FRK: variants seen among roughly 807,000 people sequenced by gnomAD.
The protein encoded by FRK is fyn related Src family tyrosine kinase.
A neutral mutation model predicts 56.4 loss-of-function variants in FRK; 51 were observed. That is an observed-to-expected ratio of 0.90 (90% CI 0.72 to 1.14). The LOEUF is 1.14. FRK is among the 50% of genes most tolerant of loss of function. The pLI is 0.00. For missense variants in FRK, 570 were observed against 601.4 expected, an observed-to-expected ratio of 0.95 and a Z score of 0.55; for synonymous variants, 245 against 217.9, an observed-to-expected ratio of 1.12 and a Z score of -1.10.
At chr6:116,018,703 C>A (rs1255630724) in intron 1 of FRK, among the ~76,000 whole-genome samples, 1 of 152,026 alleles carries the variant, frequency 6.6e-6, no homozygotes, top group East Asian at 1.9e-4. Flanking sequence ...GACTGCCTTA[C>A]TAGTAAGCAT....
intron 1 of FRK, among the ~76,000 whole-genome samples, chr6:116,018,505 T>C (rs957862070): frequency 6.6e-5 from 10 of 152,196 alleles, no homozygotes; most frequent in Non-Finnish European, 1.3e-4. Context: ...TATTTGTGTT[T>C]TAAATAATTC....
At position 115,937,990 on chromosome 6, in the gene FRK, A is replaced by G. The variant is rs1313584721; in HGVS notation, c.*4424T>C. The G allele has an allele frequency of 2.0e-5, 3 of 152,242 alleles. No homozygotes were observed. Among genetic ancestry groups the G allele is most frequent in the Non-Finnish European group, 4.4e-5 (3 of 68,036 alleles). 9.4% of individuals were successfully genotyped at this position (152,242 alleles called of 1,614,324 possible). A position where few individuals can be genotyped will look rare whatever the true frequency, so the allele number is the denominator to read the frequency against. On this transcript the variant is annotated 3_prime_UTR_variant, in exon 8 of 8. Coordinates refer to ENST00000606080, the MANE Select transcript of FRK (RefSeq NM_002031.3). ...GACCAAGTGGACCTAACAGACATCT[A>G]CAGAATTCTCTACCCCAAATCAACA...
At position 115,939,048 on chromosome 6, in the gene FRK, A is replaced by G. The variant is rs1358779329; in HGVS notation, c.*3366T>C. ...AAAAAAAAAAAAGAGAGAAAATTTC[A>G]GGCCAGTATCCCTGACGAACATCCA... On this transcript the variant is annotated 3_prime_UTR_variant, in exon 8 of 8. Coordinates refer to ENST00000606080, the MANE Select transcript of FRK (RefSeq NM_002031.3). The G allele has an allele frequency of 6.6e-6, 1 of 152,004 alleles. No homozygotes were observed. Among genetic ancestry groups the G allele is most frequent in the Non-Finnish European group, 1.5e-5 (1 of 68,006 alleles). 9.4% of individuals were successfully genotyped at this position (152,004 alleles called of 1,614,324 possible).
At position 115,987,754 on chromosome 6, in the gene FRK, A is replaced by C. The variant is rs1765855515; in HGVS notation, c.466+16123T>G. Among the ~76,000 whole-genome samples the C allele has an allele frequency of 2.0e-5, 3 of 152,210 alleles. No homozygotes were observed. The South Asian group carries it at 6.2e-4, about 32-fold the overall frequency. On this transcript the variant is annotated intron_variant, in intron 2 of 7. Transcript: ENST00000606080. ...ACTTACTGGCACTTAGTAGGCATTA[A>C]ATAAATATTTGATGAATGAATGGAT... is the stretch of plus-strand genomic sequence containing the variant.
intron 1 of FRK, among the ~76,000 whole-genome samples, chr6:116,004,890 A>G (rs1775194751): frequency 6.6e-6 from 1 of 152,212 alleles, no homozygotes; most frequent in Admixed American, 6.5e-5. Context: ...GGTCATCATC[A>G]TTAAAGATTT....
chr6:115,973,371 A>G, intron 2 of FRK, among the ~76,000 whole-genome samples: 1 of 152,162 alleles, frequency 6.6e-6, no homozygotes, highest in East Asian at 1.9e-4. Context: ...GAACACATGG[A>G]CACAGGGAGG....
At chr6:115,975,637 T>C (rs989125371) in intron 2 of FRK, among the ~76,000 whole-genome samples, 11 of 152,124 alleles carry the variant, frequency 7.2e-5, no homozygotes, top group Non-Finnish European at 1.0e-4. Flanking sequence ...GCTTGTGCCA[T>C]TCTTTTTGTG....
chr6:115,966,060 A>AAT (rs1554226779), intron 4 of FRK, among the ~76,000 whole-genome samples: 12 of 13,110 alleles, frequency 9.2e-4, no homozygotes, highest in African/African-American at 3.1e-3. Context: ...TAAAAAAAAA[A>AAT]TTAAAAAAAA....
At chr6:116,044,928 T>C (rs1208842585) in intron 1 of FRK, among the ~76,000 whole-genome samples, 1 of 152,206 alleles carries the variant, frequency 6.6e-6, no homozygotes, top group East Asian at 1.9e-4. Context: ...AGCATTCCTA[T>C]ACACCAATAA....
chr6:116,079,409 T>C, the FRK span, among the ~76,000 whole-genome samples: 1 of 151,974 alleles, frequency 6.6e-6, no homozygotes, highest in Non-Finnish European at 1.5e-5. Context: ...TTTTTGTTTT[T>C]TTTTTCAGAG....
At chr6:116,070,904 A>C in the FRK span, among the ~76,000 whole-genome samples, 6,202 of 152,222 alleles carry the variant, frequency 0.041, 156 homozygotes, top group South Asian at 0.082. Context: ...TAAGAAGTAT[A>C]CTTGGCATTT....
the FRK span, among the ~76,000 whole-genome samples, chr6:116,075,008 GAGA>G: frequency 2.6e-5 from 4 of 152,150 alleles, no homozygotes; most frequent in Non-Finnish European, 4.4e-5. Context: ...AGTGCTCAGA[GAGA>G]AGGAGAAGGG....
the FRK span, among the ~76,000 whole-genome samples, chr6:116,070,901 T>C: frequency 2.6e-5 from 4 of 152,264 alleles, no homozygotes; most frequent in East Asian, 7.7e-4. Flanking sequence ...ACATAAGAAG[T>C]ATACTTGGCA....
chr6:116,070,304 A>G, the FRK span, among the ~76,000 whole-genome samples: 61 of 152,216 alleles, frequency 4.0e-4, no homozygotes, highest in African/African-American at 9.1e-4. Flanking sequence ...CTTGGCTAGC[A>G]TAGGTGGCAG....
chr6:115,999,432 C>G (rs868234509), intron 2 of FRK, among the ~76,000 whole-genome samples: 7 of 152,248 alleles, frequency 4.6e-5, no homozygotes, highest in African/African-American at 1.7e-4. Flanking sequence ...AGCAGACAGC[C>G]GTGCAGGGAT....
chr6:115,943,098 A>G lies in FRK; in HGVS notation c.1228T>C (p.Phe410Leu), dbSNP rs763121310. 1.2e-6 allele frequency: 2 copies of G among 1,613,490 alleles called. No individual in the cohort carries two copies. Among genetic ancestry groups the G allele is most frequent in the South Asian group, 2.2e-5 (2 of 91,040 alleles). The change falls in exon 7 of 8, where the codon TTC becomes CTC. Residue 410 changes from phenylalanine to leucine, a missense_variant. Physicochemically the swap from Phe to Leu is conservative, Grantham distance 22. Transcript: ENST00000606080. ...TAPEAIRSNK[F>L]SIKSDVWSFG... ...GACCATACATCGGACTTAATGCTGA[A>G]TTTATTACTACGAATGGCTTCGGGC...
chr6:115,990,630 G>A (rs370051992), intron 2 of FRK, among the ~76,000 whole-genome samples: 5 of 151,622 alleles, frequency 3.3e-5, no homozygotes, highest in South Asian at 2.1e-4. Context: ...CTATTGATCC[G>A]TATGCCTACT....
intron 5 of FRK, among the ~76,000 whole-genome samples, chr6:115,956,106 AT>A (rs1037729629): frequency 6.6e-6 from 1 of 152,212 alleles, no homozygotes; most frequent in African/African-American, 2.4e-5. Flanking sequence ...GCCATAGAAA[AT>A]ATTGGTCCAT....
intron 2 of FRK, among the ~76,000 whole-genome samples, chr6:115,991,783 G>C (rs1364639130): frequency 1.3e-5 from 2 of 151,470 alleles, no homozygotes; most frequent in African/African-American, 4.8e-5. Context: ...TAATGATTTT[G>C]TAGAATGAGT....
Sources: gnomAD v4.1 joint callset for allele counts (sites outside exome capture counted in the v4.1 genomes callset) on GRCh38, gnomAD v4.1.1 for gene constraint, MANE v1.5 for transcripts, NCBI Gene and HGNC (gene_info 2026-07-23, HGNC 2026-07-21) for gene names.